HIPK3: variants seen among roughly 807,000 people sequenced by gnomAD.
HIPK3 encodes homeodomain interacting protein kinase 3, also known as homeodomain-interacting protein kinase 3.
In HIPK3, 47 loss-of-function variants were observed where a neutral mutation model predicts 124.2. The ratio of observed to expected loss-of-function variants is 0.38; its 90% CI spans 0.30 to 0.48. HIPK3 has a LOEUF of 0.48. Among genes scored for constraint, HIPK3 ranks in the 20% least tolerant of loss-of-function variants. The pLI, the probability that HIPK3 is intolerant of heterozygous loss-of-function variation, is 0.98. For missense variants in HIPK3, 1,286 were observed against 1,454.3 expected, an observed-to-expected ratio of 0.88 and a Z score of 1.88; for synonymous variants, 482 against 515.2, an observed-to-expected ratio of 0.94 and a Z score of 0.87.
At position 33,341,816 on chromosome 11, in the gene HIPK3, C is replaced by T. The variant is rs927799820; in HGVS notation, c.1897+130C>T. On this transcript the variant is annotated intron_variant, in intron 8 of 16. Coordinates refer to ENST00000303296, the MANE Select transcript of HIPK3 (RefSeq NM_005734.5). Reference sequence around the variant, plus strand: ...GTGCTACATTTGAATTTAAGCTGTTCAGGCCAAGTGTGGTGTTTCACGCCT... The same window carrying T: ...GTGCTACATTTGAATTTAAGCTGTTTAGGCCAAGTGTGGTGTTTCACGCCT... The T allele has an allele frequency of 2.2e-5, 18 of 821,586 alleles. No individual in the cohort carries two copies. In the African/African-American group the frequency reaches 2.5e-4, roughly 11 times the overall value. The allele number at this position is 821,586 out of a possible 1,614,324, so 50.9% of individuals were successfully genotyped here.
chr11:33,295,026 G>A (rs1851801394), intron 2 of HIPK3, among the ~76,000 whole-genome samples: 2 of 152,032 alleles, frequency 1.3e-5, no homozygotes, highest in African/African-American at 4.8e-5. Context: ...CAGCAAAGTC[G>A]CCCCTTCCCC....
At chr11:33,304,188 C>T (rs1193424846) in intron 2 of HIPK3, among the ~76,000 whole-genome samples, 3 of 152,214 alleles carry the variant, frequency 2.0e-5, no homozygotes, top group Non-Finnish European at 4.4e-5. Flanking sequence ...ATCTACCCAC[C>T]TTGGCCTTCC....
intron 3 of HIPK3, among the ~76,000 whole-genome samples, chr11:33,330,443 C>G (rs1852942333): frequency 6.6e-6 from 1 of 152,178 alleles, no homozygotes; most frequent in African/African-American, 2.4e-5. Context: ...ATTCTTCTGC[C>G]TCAGCCTCCT....
intron 2 of HIPK3, among the ~76,000 whole-genome samples, chr11:33,311,585 C>T (rs1852337791): frequency 6.6e-6 from 1 of 152,098 alleles, no homozygotes; most frequent in African/African-American, 2.4e-5. Flanking sequence ...TGCCTCTGTA[C>T]ACATACAGCC....
intron 1 of HIPK3, among the ~76,000 whole-genome samples, chr11:33,280,485 T>TA (rs763802238): frequency 3.9e-5 from 6 of 152,182 alleles, no homozygotes; most frequent in Non-Finnish European, 7.3e-5. Flanking sequence ...GGTCTTTTCT[T>TA]ATGGTCTTTT....
chr11:33,286,043 A>G (rs957217339), intron 1 of HIPK3, among the ~76,000 whole-genome samples: 2 of 152,096 alleles, frequency 1.3e-5, no homozygotes, highest in Non-Finnish European at 1.5e-5. Flanking sequence ...TCAAAGTGCT[A>G]GGATTACAGG....
Position 33,341,590 on chromosome 11 carries a change from GTGCACCATGGAATACCTC to G in HIPK3, c.1806_1823del (p.His602_Leu607del). Reference sequence around the variant, plus strand: ...ATTGACCACATCTGCTCATTCAGTTGTGCACCATGGAATACCTCTGCAGGCAGGAACTGCTCAGTTTGG... The same window carrying G: ...ATTGACCACATCTGCTCATTCAGTTGTGCAGGCAGGAACTGCTCAGTTTGG... On this transcript the variant is annotated inframe_deletion, in exon 8 of 17. Transcript: ENST00000303296. 1 of 1,613,666 alleles carries G rather than the reference GTGCACCATGGAATACCTC, an allele frequency of 6.2e-7. No individual in the cohort carries two copies.
intron 2 of HIPK3, among the ~76,000 whole-genome samples, chr11:33,316,914 A>G (rs951247099): frequency 1.3e-5 from 2 of 152,244 alleles, no homozygotes; most frequent in Non-Finnish European, 2.9e-5. Flanking sequence ...TTATAGTAAG[A>G]AAACTAGTAA....
rs35408664 is a variant in HIPK3, at chr11:33,268,591, CAAAAAAAA to C, written c.-3+10720_-3+10727del. 2.1e-3 allele frequency among the ~76,000 whole-genome samples: 159 copies of C among 76,030 alleles called. 1 individual carries two copies. Among genetic ancestry groups the C allele is most frequent in the East Asian group, 0.017 (49 of 2,906 alleles). 49.9% of individuals were successfully genotyped at this position (76,030 alleles called of 152,430 possible). On this transcript the variant is annotated intron_variant, in intron 1 of 16. Transcript: ENST00000303296. ...GGACAACAGAGTAAGACTCCGTCAC[CAAAAAAAA>C]AAAAAAAAAAAAAAAAATTAAAAAA...
At chr11:33,336,506 T>C (rs1853152894) in intron 3 of HIPK3, among the ~76,000 whole-genome samples, 1 of 152,214 alleles carries the variant, frequency 6.6e-6, no homozygotes, top group Non-Finnish European at 1.5e-5. Flanking sequence ...TTCTCTGGCC[T>C]TATCCCTTCA....
chr11:33,311,910 T>TACACACACACACACAC (rs71034671), intron 2 of HIPK3, among the ~76,000 whole-genome samples: 18 of 114,376 alleles, frequency 1.6e-4, no homozygotes, highest in African/African-American at 3.4e-4. Flanking sequence ...ACCCTGTTTC[T>TACACACACACACACAC]ACACACACAC....
intron 2 of HIPK3, among the ~76,000 whole-genome samples, chr11:33,296,568 C>G (rs192070259): frequency 3.3e-5 from 5 of 152,194 alleles, no homozygotes; most frequent in African/African-American, 1.2e-4. Context: ...ATTTTCTCAA[C>G]AGCATGCGCT....
chr11:33,328,466 T>C (rs1468781813), intron 2 of HIPK3, 44 bp from the exon 3 acceptor site: 1 of 1,595,274 alleles, frequency 6.3e-7, no homozygotes, highest in Non-Finnish European at 8.6e-7. Flanking sequence ...TAGGTAATTT[T>C]AGAGAAAAAC....
In HIPK3 at chr11:33,347,622, C is replaced by T. The variant is rs374919719; in HGVS notation, c.2020-7C>T. On this transcript the variant is annotated splice_polypyrimidine_tract_variant and splice_region_variant and intron_variant, in intron 9 of 16. Coordinates refer to ENST00000303296, the MANE Select transcript of HIPK3 (RefSeq NM_005734.5). ...TATTTTCTATTGTTTTGCTTTGCTG[C>T]AAGCAGACGTGGTCTGGTAGAACAC... 4.3e-5 allele frequency: 69 copies of T among 1,611,412 alleles called. No homozygotes were observed. In the South Asian group the frequency reaches 6.5e-4, roughly 15 times the overall value.
intron 2 of HIPK3, among the ~76,000 whole-genome samples, chr11:33,324,542 C>T (rs886903512): frequency 6.6e-6 from 1 of 152,168 alleles, no homozygotes; most frequent in African/African-American, 2.4e-5. Context: ...CTCAGAATCC[C>T]CTTCAAGAGA....
intron 1 of HIPK3, chr11:33,258,413 G>T (rs1207021428): frequency 1.0e-6 from 1 of 985,634 alleles, no homozygotes; most frequent in African/African-American, 1.7e-5. Flanking sequence ...TTGTGGCCCC[G>T]TCCCCAGCGT....
At chr11:33,257,273 C>G (rs1850688662), upstream of HIPK3, 1 of 983,284 alleles carries the variant, frequency 1.0e-6, no homozygotes, top group Non-Finnish European at 1.2e-6. Flanking sequence ...CGGAGCGGAG[C>G]GGAGCCGCCC....
intron 2 of HIPK3, among the ~76,000 whole-genome samples, chr11:33,311,617 C>T (rs78822880): frequency 1.3e-3 from 205 of 152,226 alleles, no homozygotes; most frequent in African/African-American, 4.8e-3. Flanking sequence ...ACATCCTGTA[C>T]CACAGTGTAC....
At position 33,348,608 on chromosome 11, in the gene HIPK3, G is replaced by C; in HGVS notation, c.2456G>C (p.Ser819Thr). The C allele has an allele frequency of 6.2e-7, 1 of 1,614,032 alleles. No individual in the cohort carries two copies. The highest frequency in any genetic ancestry group is 8.5e-7 in the Non-Finnish European group (1 of 1,179,884). Reference protein sequence around the residue: ...IINGKDVEEVSCIETQDNQNS... With the variant: ...IINGKDVEEVTCIETQDNQNS... ...AATGGGAAAGATGTCGAGGAAGTAA[G>C]TTGTATAGAAACACAGGACAATCAG... is the stretch of plus-strand genomic sequence containing the variant. The change falls in exon 13 of 17, where the codon AGT (serine) becomes ACT (threonine). Residue 819 changes from serine to threonine, a missense_variant. Physicochemically the swap from Ser to Thr is moderately conservative, Grantham distance 58. Coordinates refer to ENST00000303296, the MANE Select transcript of HIPK3 (RefSeq NM_005734.5).
Sources: gnomAD v4.1 joint callset for allele counts (sites outside exome capture counted in the v4.1 genomes callset) on GRCh38, gnomAD v4.1.1 for gene constraint, MANE v1.5 for transcripts, NCBI Gene and HGNC (gene_info 2026-07-23, HGNC 2026-07-21) for gene names.